The following PNPLA7 variants were observed in gnomAD, a reference collection of about 807,000 sequenced individuals.
The protein encoded by PNPLA7 is patatin-like phospholipase domain-containing protein 7.
PNPLA7 carries 153 observed loss-of-function variants against 161.7 expected under a neutral mutation model. That is an observed-to-expected ratio of 0.95 (90% CI 0.83 to 1.08). The LOEUF is 1.08. Among genes scored for constraint, PNPLA7 ranks in the 50% least tolerant of loss-of-function variants. The pLI is 0.00. For missense variants in PNPLA7, 1,739 were observed against 1,856.6 expected, an observed-to-expected ratio of 0.94 and a Z score of 1.16; for synonymous variants, 809 against 782.1, an observed-to-expected ratio of 1.03 and a Z score of -0.57.
intron 23 of PNPLA7, 62 bp downstream of exon 23, chr9:137,480,248 AAG>A: frequency 1.3e-6 from 2 of 1,541,604 alleles, no homozygotes; most frequent in Non-Finnish European, 1.7e-6. Context: ...CTCAAAGGAA[AAG>A]AGAAACAGGA....
Position 137,520,967 on chromosome 9 carries a change from G to A in PNPLA7, c.957+669C>T, listed in dbSNP as rs1834957757. Reference sequence around the variant, plus strand: ...CTGGACGCGGACGTAGGGACCCCACGGGACGGGCATGGGGAGAGGCAGCCT... The same window carrying A: ...CTGGACGCGGACGTAGGGACCCCACAGGACGGGCATGGGGAGAGGCAGCCT... On this transcript the variant is annotated intron_variant, in intron 10 of 34. Coordinates refer to ENST00000406427, the MANE Select transcript of PNPLA7 (RefSeq NM_001098537.3). The surrounding 1 kb of genome is among the most constrained non-coding windows in gnomAD (Gnocchi z 5.2). Among the ~76,000 whole-genome samples the A allele has an allele frequency of 1.3e-5, 2 of 152,026 alleles. No homozygotes were observed. The highest frequency in any genetic ancestry group is 1.3e-4 in the Admixed American group (2 of 15,268).
Position 137,547,184 on chromosome 9 carries a change from G to A in PNPLA7, c.193+125C>T, listed in dbSNP as rs913839262. 3.2e-5 allele frequency: 31 copies of A among 982,552 alleles called. No homozygotes were observed. Among genetic ancestry groups the A allele is most frequent in the Non-Finnish European group, 4.3e-5 (27 of 630,808 alleles). 60.9% of individuals were successfully genotyped at this position (982,552 alleles called of 1,614,324 possible). A position where few individuals can be genotyped will look rare whatever the true frequency, so the allele number is the denominator to read the frequency against. On this transcript the variant is annotated intron_variant, in intron 3 of 34. Coordinates refer to ENST00000406427, the MANE Select transcript of PNPLA7 (RefSeq NM_001098537.3). This position sits in a 1 kb window ranked among gnomAD's most constrained non-coding sequence, Gnocchi z 4.6. ...GACGGGCTCAGCCTGAGCCCAGACGGGCCATCAGATTCTAGCCAAAGCCAC... is the reference window on the plus strand; with the variant it reads ...GACGGGCTCAGCCTGAGCCCAGACGAGCCATCAGATTCTAGCCAAAGCCAC...
intron 20 of PNPLA7, among the ~76,000 whole-genome samples, chr9:137,485,186 T>TCCAGGC (rs1256338746): frequency 2.0e-5 from 3 of 152,216 alleles, no homozygotes; most frequent in Non-Finnish European, 4.4e-5. Flanking sequence ...CCAGCACTGG[T>TCCAGGC]CCAGGCCCAG....
rs183062444 is a variant in PNPLA7 at position 137,505,826 on chromosome 9, G to A, written c.1327-66C>T. The stretch of plus-strand genomic sequence containing the variant: ...GTTGGGGAACATCGCACAAGGGTGT[G>A]GTCAGGTCTGAATCGCACAGTGCGG... On this transcript the variant is annotated intron_variant, in intron 13 of 34. Transcript: ENST00000406427. 385 of 1,589,544 alleles carry A rather than the reference G, an allele frequency of 2.4e-4. 1 individual carries two copies. In the East Asian group the frequency reaches 7.6e-3, roughly 31 times the overall value.
intron 15 of PNPLA7, among the ~76,000 whole-genome samples, chr9:137,501,131 T>C (rs940779483): frequency 2.2e-4 from 34 of 152,204 alleles, no homozygotes; most frequent in African/African-American, 7.5e-4. Flanking sequence ...GAGCCGGGCC[T>C]CGGACCTGCA....
At chr9:137,473,887 A>G (rs949161565) in intron 25 of PNPLA7, among the ~76,000 whole-genome samples, 1 of 152,228 alleles carries the variant, frequency 6.6e-6, no homozygotes, top group African/African-American at 2.4e-5. Context: ...ACGACCGGGC[A>G]CTTACACTCC....
chr9:137,478,949 G>A, intron 24 of PNPLA7, 107 bp downstream of exon 24: 1 of 1,361,618 alleles, frequency 7.3e-7, no homozygotes, highest in East Asian at 2.6e-5. Flanking sequence ...GAAGGGCCCA[G>A]GAGCGCAGGT....
At chr9:137,544,512 G>A (rs1836382603) in intron 4 of PNPLA7, among the ~76,000 whole-genome samples, 1 of 152,196 alleles carries the variant, frequency 6.6e-6, no homozygotes, top group South Asian at 2.1e-4. Flanking sequence ...GCCTAAGCCT[G>A]TCCCAGACCC....
At chr9:137,503,927 A>C in intron 14 of PNPLA7, among the ~76,000 whole-genome samples, 1 of 78,710 alleles carries the variant, frequency 1.3e-5, no homozygotes, top group Non-Finnish European at 2.6e-5. Flanking sequence ...AGGAAGAAGA[A>C]GGAAGAAGAA....
chr9:137,503,983 AAGAAAG>A (rs1833741823), intron 14 of PNPLA7, among the ~76,000 whole-genome samples: 2 of 125,508 alleles, frequency 1.6e-5, no homozygotes, highest in East Asian at 2.5e-4. Flanking sequence ...AAGAAGGAAG[AAGAAAG>A]AAGCAAGAAG....
At chr9:137,528,026 G>T (rs953957876) in intron 8 of PNPLA7, among the ~76,000 whole-genome samples, 2 of 152,156 alleles carry the variant, frequency 1.3e-5, no homozygotes, top group African/African-American at 4.8e-5. Flanking sequence ...TGATTTTATG[G>T]GCATAAAGCT....
Position 137,506,900 on chromosome 9 carries a change from A to G in PNPLA7, c.1226-817T>C, listed in dbSNP as rs574714577. Among the ~76,000 whole-genome samples, 51 of 152,352 alleles carry G rather than the reference A, an allele frequency of 3.3e-4. No individual in the cohort carries two copies. The South Asian group carries it at 8.5e-3, about 25-fold the overall frequency. ...TCATCTGCACTGCGGTTTCCCATCC[A>G]TACTGGAATTCGCAACACCCATTTC... On this transcript the variant is annotated intron_variant, in intron 12 of 34. Transcript: ENST00000406427.
chr9:137,548,471 C>T (rs528760554), intron 1 of PNPLA7, among the ~76,000 whole-genome samples: 18 of 152,314 alleles, frequency 1.2e-4, no homozygotes, highest in African/African-American at 1.9e-4. Context: ...AGGGAAGGGC[C>T]GGGCGCAGTG....
Position 137,524,706 on chromosome 9 carries a change from C to T in PNPLA7, c.748-1849G>A, listed in dbSNP as rs1162301176. 6.6e-6 allele frequency among the ~76,000 whole-genome samples: 1 copy of T among 152,152 alleles called. No individual in the cohort carries two copies. Among genetic ancestry groups the T allele is most frequent in the Non-Finnish European group, 1.5e-5 (1 of 68,030 alleles). On this transcript the variant is annotated intron_variant, in intron 8 of 34. Coordinates refer to ENST00000406427, the MANE Select transcript of PNPLA7 (RefSeq NM_001098537.3). This position sits in a 1 kb window ranked among gnomAD's most constrained non-coding sequence, Gnocchi z 4.4. ...GCGGTGAGTGAGTTTCCATGGATGC[C>T]CTGTGTTTTGCATTCTCACCAGCAG...
At chr9:137,510,573 C>T (rs1246385698) in intron 12 of PNPLA7, among the ~76,000 whole-genome samples, 1 of 152,226 alleles carries the variant, frequency 6.6e-6, no homozygotes, top group Non-Finnish European at 1.5e-5. Flanking sequence ...TTTACCCTGC[C>T]CCTTCTGCCT....
intron 21 of PNPLA7, among the ~76,000 whole-genome samples, chr9:137,481,593 T>A (rs1243740305): frequency 1.3e-5 from 2 of 151,598 alleles, no homozygotes; most frequent in African/African-American, 4.9e-5. Flanking sequence ...CCTGAGGGGG[T>A]GCTGCTTGGC....
rs763384377 is a variant in PNPLA7 at position 137,464,319 on chromosome 9, C to G, written c.3156+21G>C. The G allele has an allele frequency of 4.3e-6, 7 of 1,609,912 alleles. No individual in the cohort carries two copies. The African/African-American group carries it at 9.4e-5, about 22-fold the overall frequency. ...GGACAGGCACTGGGGGCTGCATGGG[C>G]TCCTGAGGGTGGGGGTGCACCTCGA... On this transcript the variant is annotated intron_variant, in intron 27 of 34. Coordinates refer to ENST00000406427, the MANE Select transcript of PNPLA7 (RefSeq NM_001098537.3).
intron 11 of PNPLA7, chr9:137,516,683 T>C (rs1251362727): frequency 4.1e-6 from 1 of 243,088 alleles, no homozygotes; most frequent in Non-Finnish European, 6.6e-6. Flanking sequence ...CTGGGCCTGG[T>C]GGCATGCGCC....
intron 12 of PNPLA7, among the ~76,000 whole-genome samples, chr9:137,514,567 C>T (rs1834418471): frequency 7.0e-6 from 1 of 142,984 alleles, no homozygotes; most frequent in Non-Finnish European, 1.5e-5. Flanking sequence ...GGTGCCCGGG[C>T]CCTGTGGCCG....
Sources: allele counts gnomAD v4.1 joint callset (sites outside exome capture counted in the v4.1 genomes callset), GRCh38; gene constraint gnomAD v4.1.1; non-coding constraint Gnocchi (gnomAD v3.1); transcripts MANE v1.5; gene names NCBI Gene and HGNC (gene_info 2026-07-23, HGNC 2026-07-21).